Variants in SHROOM3 observed in about 807,000 individuals in gnomAD.
SHROOM3 encodes shroom family member 3, also known as protein Shroom3.
A neutral mutation model predicts 138.6 loss-of-function variants in SHROOM3; 47 were observed. The ratio of observed to expected loss-of-function variants is 0.34; its 90% CI spans 0.27 to 0.43. The LOEUF is 0.43. Ranked by LOEUF, SHROOM3 falls within the 20% of genes least tolerant of loss-of-function variation. The pLI is 1.00. For missense variants in SHROOM3, 2,491 were observed against 2,596.5 expected (o/e 0.96, Z 0.88); for synonymous variants, 1,062 against 1,063.3 (o/e 1.00, Z 0.02).
rs74511930 is a variant in SHROOM3, at chr4:76,754,229, T to C, written c.3828-82T>C. On this transcript the variant is annotated intron_variant, in intron 6 of 10. Transcript: ENST00000296043. ...GGTCCTCCTTCCTCTTAAATGCTTT[T>C]CTCATCTATGTAAGGAGCATTGGGC... 528 of 1,565,060 alleles carry C rather than the reference T, an allele frequency of 3.4e-4. 2 individuals are homozygous for C. The African/African-American group carries it at 6.4e-3, about 19-fold the overall frequency.
intron 3 of SHROOM3, among the ~76,000 whole-genome samples, chr4:76,722,671 A>G (rs982556005): frequency 6.6e-6 from 1 of 152,148 alleles, no homozygotes; most frequent in Non-Finnish European, 1.5e-5. Flanking sequence ...TAAAAAAAAA[A>G]CCAGTGCTTT....
chr4:76,468,804 T>C (rs943419857), intron 1 of SHROOM3, among the ~76,000 whole-genome samples: 2 of 151,810 alleles, frequency 1.3e-5, no homozygotes, highest in Non-Finnish European at 2.9e-5. Flanking sequence ...CCAAGGCAGG[T>C]GGATCACCAG....
chr4:76,532,008 T>C (rs1732838270), intron 1 of SHROOM3, among the ~76,000 whole-genome samples: 1 of 151,252 alleles, frequency 6.6e-6, no homozygotes, highest in Admixed American at 6.6e-5. Flanking sequence ...GCTGCACCCA[T>C]TAACTCGTCA....
At chr4:76,563,563 G>A (rs1467197354) in intron 2 of SHROOM3, among the ~76,000 whole-genome samples, 2 of 152,136 alleles carry the variant, frequency 1.3e-5, no homozygotes, top group African/African-American at 4.8e-5. Flanking sequence ...CCAAGGACTG[G>A]TCAGGTTATA....
At chr4:76,686,033 C>T (rs771607288) in intron 2 of SHROOM3, among the ~76,000 whole-genome samples, 16 of 151,790 alleles carry the variant, frequency 1.1e-4, no homozygotes, top group African/African-American at 2.4e-4. Context: ...TTAGAGGCAG[C>T]GTCTTGCTCT....
intron 1 of SHROOM3, among the ~76,000 whole-genome samples, chr4:76,538,146 G>T (rs777168059): frequency 6.6e-6 from 1 of 152,144 alleles, no homozygotes; most frequent in Non-Finnish European, 1.5e-5. Flanking sequence ...TGATCTGCCC[G>T]CCTGAGCCTC....
intron 2 of SHROOM3, among the ~76,000 whole-genome samples, chr4:76,670,848 G>A (rs941465492): frequency 6.6e-6 from 1 of 152,154 alleles, no homozygotes; most frequent in Non-Finnish European, 1.5e-5. Context: ...AGATACTTGG[G>A]AGATTGAAGT....
At chr4:76,750,811 TA>T (rs3045224) in intron 6 of SHROOM3, among the ~76,000 whole-genome samples, 439 of 136,152 alleles carry the variant, frequency 3.2e-3, no homozygotes, top group African/African-American at 4.8e-3. Flanking sequence ...GTTCTGTGTT[TA>T]AAAAAAAAAA....
chr4:76,741,086 C>T lies in SHROOM3; in HGVS notation c.2913C>T (p.Pro971=), dbSNP rs751112338. The T allele has an allele frequency of 1.3e-5, 20 of 1,541,772 alleles. No individual in the cohort carries two copies. Among genetic ancestry groups the T allele is most frequent in the Admixed American group, 2.0e-5 (1 of 49,906 alleles). The change falls in exon 5 of 11, where the codon CCC becomes CCT. Residue 971 remains proline (P), a synonymous_variant. Transcript: ENST00000296043. The surrounding 1 kb of genome is among the most constrained non-coding windows in gnomAD (Gnocchi z 6.2). ...CGGCCCACGTGGGGCTGCGGAGCCC[C>T]GAGGCGTCGGCCTCCGCCTCCCCGC... ...PSSAHVGLRS[P]EASASASPHT... is the part of the protein sequence containing the mutation.
chr4:76,741,936 A>C lies in SHROOM3; in HGVS notation c.3753+10A>C. 1 of 1,611,398 alleles carries C rather than the reference A, an allele frequency of 6.2e-7. No homozygotes were observed. Among genetic ancestry groups the C allele is most frequent in the Non-Finnish European group, 8.5e-7 (1 of 1,179,620 alleles). ...CGCAGACAAGCGCCAGGTACGTGCA[A>C]CCAGCAAGTCCTGGCCTCGAACTGT... On this transcript the variant is annotated intron_variant, in intron 5 of 10. Coordinates refer to ENST00000296043, the MANE Select transcript of SHROOM3 (RefSeq NM_020859.4). The surrounding 1 kb of genome is among the most constrained non-coding windows in gnomAD (Gnocchi z 6.2).
chr4:76,758,793 G>T (rs542466965), intron 8 of SHROOM3, among the ~76,000 whole-genome samples: 48 of 152,232 alleles, frequency 3.2e-4, no homozygotes, highest in Middle Eastern at 3.4e-3. Flanking sequence ...ATTAAATAAA[G>T]TTCCTCTCCA....
intron 2 of SHROOM3, among the ~76,000 whole-genome samples, chr4:76,693,593 G>T (rs1719635299): frequency 6.6e-6 from 1 of 151,704 alleles, no homozygotes; most frequent in Admixed American, 6.6e-5. Context: ...CACCATGTTG[G>T]CCAGGATGGT....
chr4:76,685,583 A>G lies in SHROOM3; in HGVS notation c.324-24573A>G, dbSNP rs10003165. Among the ~76,000 whole-genome samples, 523 of 152,350 alleles carry G rather than the reference A, an allele frequency of 3.4e-3. 4 individuals are homozygous for G. Among genetic ancestry groups the G allele is most frequent in the African/African-American group, 0.012 (486 of 41,574 alleles). On this transcript the variant is annotated intron_variant, in intron 2 of 10. Transcript: ENST00000296043. The stretch of plus-strand genomic sequence containing the variant: ...AGCAAAGATTCCTACATTTCAAATA[A>G]TTGTTTTTCACATCAAAGCTTTAGT...
chr4:76,755,285 T>C, intron 7 of SHROOM3, 93 bp downstream of exon 7: 2 of 1,427,658 alleles, frequency 1.4e-6, no homozygotes, highest in Non-Finnish European at 1.9e-6. Context: ...AGAAGAACCC[T>C]GGCATGGAGA....
At chr4:76,735,150 T>A (rs1431576781) in intron 4 of SHROOM3, among the ~76,000 whole-genome samples, 1 of 152,194 alleles carries the variant, frequency 6.6e-6, no homozygotes, top group Non-Finnish European at 1.5e-5. Flanking sequence ...TTTGATCCAC[T>A]CAAGATGCAC....
At chr4:76,773,102 T>C (rs566854842) in intron 10 of SHROOM3, among the ~76,000 whole-genome samples, 33 of 152,080 alleles carry the variant, frequency 2.2e-4, no homozygotes, top group Middle Eastern at 3.4e-3. Context: ...TAAGGCTGGG[T>C]GCAGTGGCTC....
At chr4:76,466,909 A>T (rs2109979226) in intron 1 of SHROOM3, among the ~76,000 whole-genome samples, 1 of 152,324 alleles carries the variant, frequency 6.6e-6, no homozygotes, top group Non-Finnish European at 1.5e-5. Context: ...TAAAATACTA[A>T]TAAAATAGTA....
rs146962643 is a variant in SHROOM3 at position 76,528,544 on chromosome 4, C to CTTTTTTTTTTTTTTT, written c.169-27062_169-27061insTTTTTTTTTTTTTTT. ...GGACTTCTCTCCTTTATCTTTCTTT[C>CTTTTTTTTTTTTTTT]TTTCTTTTTTTTTTTTTTGAGGCAG... On this transcript the variant is annotated intron_variant, in intron 1 of 10. Coordinates refer to ENST00000296043, the MANE Select transcript of SHROOM3 (RefSeq NM_020859.4). 9.5e-4 allele frequency among the ~76,000 whole-genome samples: 98 copies of CTTTTTTTTTTTTTTT among 103,350 alleles called. 2 individuals are homozygous for CTTTTTTTTTTTTTTT. The highest frequency in any genetic ancestry group is 1.3e-3 in the South Asian group (4 of 3,048). 67.8% of individuals were successfully genotyped at this position (103,350 alleles called of 152,430 possible). A position where few individuals can be genotyped will look rare whatever the true frequency, so the allele number is the denominator to read the frequency against.
intron 10 of SHROOM3, among the ~76,000 whole-genome samples, chr4:76,772,961 C>T (rs1046931188): frequency 6.6e-6 from 1 of 152,058 alleles, no homozygotes; most frequent in Non-Finnish European, 1.5e-5. Context: ...GGGGAAGGGC[C>T]TCACCATTTA....
Sources: allele counts gnomAD v4.1 joint callset (sites outside exome capture counted in the v4.1 genomes callset), GRCh38; gene constraint gnomAD v4.1.1; non-coding constraint Gnocchi (gnomAD v3.1); transcripts MANE v1.5; gene names NCBI Gene and HGNC (gene_info 2026-07-23, HGNC 2026-07-21).